CFAP46: variants seen among roughly 807,000 people sequenced by gnomAD.
CFAP46 encodes the protein cilia and flagella associated protein 46, also known as cilia- and flagella-associated protein 46.
Under a neutral mutation model 325.7 loss-of-function variants are expected in CFAP46, and 245 were observed. That is an observed-to-expected ratio of 0.75 (90% CI 0.68 to 0.84). The LOEUF (loss-of-function observed/expected upper bound fraction) is 0.84. Ranked by LOEUF, CFAP46 falls within the 40% of genes least tolerant of loss-of-function variation. CFAP46 has a pLI of 0.00. For missense variants in CFAP46, 3,346 were observed against 3,543.0 expected, an observed-to-expected ratio of 0.94 and a Z score of 1.41; for synonymous variants, 1,523 against 1,495.9, an observed-to-expected ratio of 1.02 and a Z score of -0.42.
At chr10:132,853,711 GCTAT>G (rs59571931) in intron 39 of CFAP46, among the ~76,000 whole-genome samples, 11,969 of 152,164 alleles carry the variant, frequency 0.079, 1,195 homozygotes, top group African/African-American at 0.23. Context: ...GGCTACTCAG[GCTAT>G]CTCTTTCTTT....
chr10:132,840,983 C>T (rs559459225), intron 44 of CFAP46, among the ~76,000 whole-genome samples: 1 of 152,274 alleles, frequency 6.6e-6, no homozygotes, highest in Admixed American at 6.5e-5. Flanking sequence ...TCCTCCTCTT[C>T]CTATAAAGCC....
At chr10:132,915,352 CG>C (rs1369224829) in intron 17 of CFAP46, among the ~76,000 whole-genome samples, 4 of 152,222 alleles carry the variant, frequency 2.6e-5, no homozygotes, top group Admixed American at 6.5e-5. Flanking sequence ...GGCCTGGGCC[CG>C]GTGGCTCCTC....
chr10:132,899,418 C>G, intron 23 of CFAP46, 117 bp downstream of exon 23: 1 of 1,387,720 alleles, frequency 7.2e-7, no homozygotes, highest in Non-Finnish European at 9.5e-7. Flanking sequence ...GCCACCTCCC[C>G]TCGCCGGCAG....
intron 45 of CFAP46, 63 bp downstream of exon 45, chr10:132,836,754 C>A: frequency 7.1e-7 from 1 of 1,415,154 alleles, no homozygotes; most frequent in Non-Finnish European, 1.0e-6. Context: ...ACGGCTGGGT[C>A]TCTGCCTCCC....
chr10:132,810,853 C>T (rs887447471), intron 56 of CFAP46, 97 bp downstream of exon 56: 35 of 1,173,740 alleles, frequency 3.0e-5, no homozygotes, highest in Non-Finnish European at 3.6e-5. Flanking sequence ...TCTTGAAACC[C>T]GACCCCAGGT....
intron 6 of CFAP46, chr10:132,937,294 A>G: frequency 1.8e-6 from 1 of 549,314 alleles, no homozygotes; most frequent in Non-Finnish European, 3.1e-6. Flanking sequence ...ATTCAAAGCT[A>G]TTACAAAGGA....
At chr10:132,892,200 C>A in intron 25 of CFAP46, 133 bp downstream of exon 25, 1 of 734,704 alleles carries the variant, frequency 1.4e-6, no homozygotes. Context: ...GCTGAACAGA[C>A]ATTATCTGGA....
chr10:132,820,343 C>T, intron 50 of CFAP46, among the ~76,000 whole-genome samples: 1 of 151,304 alleles, frequency 6.6e-6, no homozygotes, highest in South Asian at 2.1e-4. Context: ...CTGACGGGGG[C>T]TGGGGGAGGG....
At chr10:132,924,603 C>T in intron 11 of CFAP46, 93 bp downstream of exon 11, 1 of 1,254,684 alleles carries the variant, frequency 8.0e-7, no homozygotes, top group Admixed American at 3.5e-5. Flanking sequence ...GTGGCACTGT[C>T]ATGGCAAGGG....
At chr10:132,898,782 C>T (rs758062552) in intron 24 of CFAP46, 177 bp downstream of exon 24, 7 of 820,796 alleles carry the variant, frequency 8.5e-6, no homozygotes, top group Middle Eastern at 2.2e-4. Context: ...AGCAGGGGCC[C>T]CCGCAGTGCT....
chr10:132,813,726 G>C (rs903936107), intron 54 of CFAP46, among the ~76,000 whole-genome samples: 1 of 152,000 alleles, frequency 6.6e-6, no homozygotes, highest in African/African-American at 2.4e-5. Flanking sequence ...CGCCCCTGGC[G>C]TGGAGCCTGT....
In CFAP46 at chr10:132,932,681, T is replaced by G. The variant is rs368806449; in HGVS notation, c.866+2071A>C. On this transcript the variant is annotated intron_variant, in intron 8 of 57. Transcript: ENST00000368586. ...CTACCATGCGACAAGCCCGTAGGCG[T>G]GCCGCCAACCGCACCTGCAGTCACC... Among the ~76,000 whole-genome samples the G allele has an allele frequency of 5.0e-5, 7 of 139,064 alleles. 1 individual carries two copies. The highest frequency in any genetic ancestry group is 2.0e-4 in the African/African-American group (7 of 35,584). 91.2% of individuals were successfully genotyped at this position (139,064 alleles called of 152,430 possible).
At chr10:132,822,498 T>C (rs1217736085) in intron 50 of CFAP46, among the ~76,000 whole-genome samples, 4 of 132,002 alleles carry the variant, frequency 3.0e-5, no homozygotes, top group Admixed American at 7.5e-5. Context: ...TGTGTGCTGA[T>C]GTGTGCTGTG....
chr10:132,916,129 T>C (rs958769926), intron 17 of CFAP46, among the ~76,000 whole-genome samples: 26 of 152,134 alleles, frequency 1.7e-4, no homozygotes, highest in African/African-American at 5.8e-4. Context: ...TTTCCCACAA[T>C]AGGAGGGAGA....
chr10:132,814,328 G>A, intron 53 of CFAP46, 74 bp from the exon 54 acceptor site: 1 of 1,306,492 alleles, frequency 7.7e-7, no homozygotes, highest in Non-Finnish European at 1.1e-6. Context: ...GGGTCCCTGG[G>A]GAGGGGTCAC....
intron 38 of CFAP46, 38 bp from the exon 39 acceptor site, chr10:132,857,826 GTTA>G (rs1275641208): frequency 5.0e-6 from 7 of 1,413,018 alleles, no homozygotes; most frequent in Non-Finnish European, 6.6e-6. Context: ...AAAACATTAT[GTTA>G]TTATTACTAA....
At position 132,850,451 on chromosome 10, in the gene CFAP46, G is replaced by A; in HGVS notation, c.5764-19C>T. ...ACCATTGCTTCGAAAAGACAGACAT[G>A]TTACAGCTGCCACCCCAAGGGCAAC... On this transcript the variant is annotated intron_variant, in intron 40 of 57. Transcript: ENST00000368586. The A allele has an allele frequency of 6.5e-7, 1 of 1,534,238 alleles. No individual in the cohort carries two copies. Among genetic ancestry groups the A allele is most frequent in the East Asian group, 2.4e-5 (1 of 41,820 alleles).
At chr10:132,891,436 A>T (rs1357877619) in intron 25 of CFAP46, among the ~76,000 whole-genome samples, 3 of 152,212 alleles carry the variant, frequency 2.0e-5, no homozygotes, top group Non-Finnish European at 4.4e-5. Context: ...GACAGAGTGG[A>T]CGCTTTGTAG....
intron 31 of CFAP46, among the ~76,000 whole-genome samples, chr10:132,873,319 A>G (rs1848919473): frequency 6.6e-6 from 1 of 152,212 alleles, no homozygotes; most frequent in African/African-American, 2.4e-5. Flanking sequence ...ACTTCTAAGA[A>G]CTGGAGGATA....
Sources: allele counts gnomAD v4.1 joint callset (sites outside exome capture counted in the v4.1 genomes callset), GRCh38; gene constraint gnomAD v4.1.1; transcripts MANE v1.5; gene names NCBI Gene and HGNC (gene_info 2026-07-23, HGNC 2026-07-21).